Variants in FAAH observed in about 807,000 individuals in gnomAD.
FAAH encodes fatty acid amide hydrolase, also known as fatty-acid amide hydrolase 1.
Under a neutral mutation model 69.7 loss-of-function variants are expected in FAAH, and 63 were observed. The ratio of observed to expected loss-of-function variants is 0.90; its 90% CI spans 0.74 to 1.12. FAAH has a LOEUF of 1.12. Ranked by LOEUF, FAAH falls within the 50% of genes most tolerant of loss-of-function variation. The pLI is 0.00. For missense variants in FAAH, 680 were observed against 755.0 expected (o/e 0.90, Z 1.16); for synonymous variants, 305 against 324.2 (o/e 0.94, Z 0.64).
intron 8 of FAAH, 64 bp downstream of exon 8, chr1:46,408,648 C>T (rs997793563): frequency 1.1e-5 from 18 of 1,610,532 alleles, no homozygotes; most frequent in Admixed American, 1.7e-5. Flanking sequence ...TTCCTGGTAC[C>T]CATGGCTACT....
chr1:46,402,286 C>T (rs140517634), intron 2 of FAAH, 82 bp downstream of exon 2: 27 of 1,213,948 alleles, frequency 2.2e-5, no homozygotes, highest in African/African-American at 2.0e-4. Flanking sequence ...TCCCTCTGTC[C>T]GCACAGGCTG....
Position 46,406,713 on chromosome 1 carries a change from T to G in FAAH, c.951+345T>G, listed in dbSNP as rs533022970. ...TTCTCCTGGGTTCACGCCATTCTCC[T>G]GCCTCAGCCTCCCGAGTAGCTGGGA... On this transcript the variant is annotated intron_variant, in intron 7 of 14. Transcript: ENST00000243167. Among the ~76,000 whole-genome samples the G allele has an allele frequency of 2.0e-5, 3 of 151,494 alleles. No individual in the cohort carries two copies. The South Asian group carries it at 6.3e-4, about 32-fold the overall frequency.
chr1:46,410,624 A>T lies in FAAH; in HGVS notation c.1275+127A>T. The T allele has an allele frequency of 9.3e-7, 1 of 1,079,950 alleles. No individual in the cohort carries two copies. Among genetic ancestry groups the T allele is most frequent in the Non-Finnish European group, 1.4e-6 (1 of 703,862 alleles). 66.9% of individuals were successfully genotyped at this position (1,079,950 alleles called of 1,614,324 possible). A position where few individuals can be genotyped will look rare whatever the true frequency, so the allele number is the denominator to read the frequency against. On this transcript the variant is annotated intron_variant, in intron 10 of 14. Coordinates refer to ENST00000243167, the MANE Select transcript of FAAH (RefSeq NM_001441.3). This position sits in a 1 kb window ranked among gnomAD's most constrained non-coding sequence, Gnocchi z 4.9. ...GCAGGCATGGCCTCCTCTTCTCTCC[A>T]GTCCCCACCCAGACTGCTCTCCTCC...
intron 1 of FAAH, 26 bp downstream of exon 1, chr1:46,394,569 G>C: frequency 1.5e-6 from 2 of 1,330,910 alleles, no homozygotes; most frequent in East Asian, 6.2e-5. Flanking sequence ...TAGTGGGATG[G>C]GCGCGGCCTG....
At chr1:46,408,611 T>G (rs200941240) in intron 8 of FAAH, 27 bp downstream of exon 8, 4 of 1,613,940 alleles carry the variant, frequency 2.5e-6, no homozygotes, top group Non-Finnish European at 3.4e-6. Flanking sequence ...CTGGAAGTAC[T>G]GGCATCTCCT....
chr1:46,413,259 A>T (rs776329438), intron 14 of FAAH, 39 bp downstream of exon 14: 8 of 1,613,682 alleles, frequency 5.0e-6, no homozygotes, highest in Non-Finnish European at 6.8e-6. Context: ...CTCACTCCCC[A>T]CCCTGACTCT....
chr1:46,399,321 C>T lies in FAAH; in HGVS notation c.196-2770C>T, dbSNP rs151026491. Among the ~76,000 whole-genome samples the T allele has an allele frequency of 1.6e-3, 239 of 152,330 alleles. 2 individuals carry two copies. The highest frequency in any genetic ancestry group is 5.5e-3 in the African/African-American group (228 of 41,572). Reference sequence around the variant, plus strand: ...GATGTTACCTGTATACTATACTTCCCTGCATTCTCCGCAAAATCAGGTTTC... The same window carrying T: ...GATGTTACCTGTATACTATACTTCCTTGCATTCTCCGCAAAATCAGGTTTC... On this transcript the variant is annotated intron_variant, in intron 1 of 14. Coordinates refer to ENST00000243167, the MANE Select transcript of FAAH (RefSeq NM_001441.3).
chr1:46,405,237 G>A lies in FAAH; in HGVS notation c.444+89G>A. Reference sequence around the variant, plus strand: ...CTTGGGTCATTTTGGGCCCTTAGAGGAGGTATCAGGTCCAGAGGCCTTCCG... The same window carrying A: ...CTTGGGTCATTTTGGGCCCTTAGAGAAGGTATCAGGTCCAGAGGCCTTCCG... On this transcript the variant is annotated intron_variant, in intron 3 of 14. Coordinates refer to ENST00000243167, the MANE Select transcript of FAAH (RefSeq NM_001441.3). This position sits in a 1 kb window ranked among gnomAD's most constrained non-coding sequence, Gnocchi z 4.1. The A allele has an allele frequency of 1.9e-6, 3 of 1,611,702 alleles. No homozygotes were observed. The highest frequency in any genetic ancestry group is 1.7e-6 in the Non-Finnish European group (2 of 1,179,662).
chr1:46,402,246 G>C lies in FAAH; in HGVS notation c.309+42G>C, dbSNP rs1361749400. Reference sequence around the variant, plus strand: ...CCAGCCCCTCCCTGGGAAAGGTAAGGCCAGCCAAGGCCAGCCCCTCCCTTT... The same window carrying C: ...CCAGCCCCTCCCTGGGAAAGGTAAGCCCAGCCAAGGCCAGCCCCTCCCTTT... On this transcript the variant is annotated intron_variant, in intron 2 of 14. Coordinates refer to ENST00000243167, the MANE Select transcript of FAAH (RefSeq NM_001441.3). 3.5e-6 allele frequency: 5 copies of C among 1,434,296 alleles called. No homozygotes were observed. In the South Asian group the frequency reaches 3.7e-5, roughly 11 times the overall value. The allele number at this position is 1,434,296 out of a possible 1,614,324, so 88.8% of individuals were successfully genotyped here.
intron 1 of FAAH, among the ~76,000 whole-genome samples, chr1:46,398,246 G>A (rs1213109199): frequency 2.0e-5 from 3 of 152,122 alleles, no homozygotes; most frequent in Non-Finnish European, 4.4e-5. Flanking sequence ...GGACGTGGGA[G>A]TTTTAGCTGA....
At chr1:46,399,737 G>C (rs888103334) in intron 1 of FAAH, among the ~76,000 whole-genome samples, 1 of 152,150 alleles carries the variant, frequency 6.6e-6, no homozygotes, top group East Asian at 1.9e-4. Flanking sequence ...AGCAAAATTT[G>C]ATTTTCATTG....
chr1:46,399,228 T>G (rs535477976), intron 1 of FAAH, among the ~76,000 whole-genome samples: 1 of 152,346 alleles, frequency 6.6e-6, no homozygotes, highest in South Asian at 2.1e-4. Context: ...GGAGGGGCAA[T>G]GCCTCCTAAG....
chr1:46,407,889 G>A (rs1664829500), intron 7 of FAAH, among the ~76,000 whole-genome samples: 1 of 152,208 alleles, frequency 6.6e-6, no homozygotes, highest in South Asian at 2.1e-4. Flanking sequence ...CCTTGGAAAG[G>A]CTGAGGGTTT....
intron 9 of FAAH, 25 bp downstream of exon 9, chr1:46,409,223 CT>C: frequency 6.3e-7 from 1 of 1,580,964 alleles, no homozygotes; most frequent in Non-Finnish European, 8.7e-7. Flanking sequence ...GCTTTGGGGT[CT>C]TGGTGGGATC....
At chr1:46,407,335 A>C (rs148354542) in intron 7 of FAAH, among the ~76,000 whole-genome samples, 93 of 152,214 alleles carry the variant, frequency 6.1e-4, no homozygotes, top group Non-Finnish European at 1.2e-3. Context: ...AAGTTGGTTA[A>C]GATTGGTTAA....
At position 46,412,241 on chromosome 1, in the gene FAAH, C is replaced by T. The variant is rs79912673; in HGVS notation, c.1455C>T (p.Gly485=). 339 of 1,552,452 alleles carry T rather than the reference C, an allele frequency of 2.2e-4. No homozygotes were observed. The highest frequency in any genetic ancestry group is 2.8e-4 in the Non-Finnish European group (326 of 1,147,474). The change falls in exon 13 of 15, where the codon GGC becomes GGT. Residue 485 remains glycine, a synonymous_variant. Transcript: ENST00000243167. ...CTGCTCTGGACTTGAATGCCCCAGG[C>T]AGGGCCACAGGTGAGGCCCGACACC... The part of the protein sequence containing the change: ...LAPALDLNAP[G]RATGAVSYTM...
rs887355509 is a variant in FAAH, at chr1:46,411,495, G to A, written c.1317-117G>A. ...TGAACTTCCCTCTCAGAGCTCCCAT[G>A]GGGTTGTGAAGGGTCCACGGAGGGG... On this transcript the variant is annotated intron_variant, in intron 11 of 14. Coordinates refer to ENST00000243167, the MANE Select transcript of FAAH (RefSeq NM_001441.3). This position sits in a 1 kb window ranked among gnomAD's most constrained non-coding sequence, Gnocchi z 4.8. 1.4e-5 allele frequency: 15 copies of A among 1,095,744 alleles called. No individual in the cohort carries two copies. The South Asian group carries it at 2.0e-4, about 15-fold the overall frequency. The allele number at this position is 1,095,744 out of a possible 1,614,324, so 67.9% of individuals were successfully genotyped here.
In FAAH at chr1:46,402,286, C is replaced by A. The variant is rs140517634; in HGVS notation, c.309+82C>A. The A allele has an allele frequency of 4.5e-5, 55 of 1,213,948 alleles. No individual in the cohort carries two copies. In the East Asian group the frequency reaches 1.3e-3, roughly 29 times the overall value. The allele number at this position is 1,213,948 out of a possible 1,614,324, so 75.2% of individuals were successfully genotyped here. On this transcript the variant is annotated intron_variant, in intron 2 of 14. Coordinates refer to ENST00000243167, the MANE Select transcript of FAAH (RefSeq NM_001441.3). ...CCCCTCCCTTTCCCCTCCCTCTGTC[C>A]GCACAGGCTGTGGGGAAAACCTGGC... is the stretch of plus-strand genomic sequence containing the variant.
rs749051974 is a variant in FAAH, at chr1:46,410,429, G to A, written c.1207G>A (p.Asp403Asn). 5 of 1,614,028 alleles carry A rather than the reference G, an allele frequency of 3.1e-6. No individual in the cohort carries two copies. Among genetic ancestry groups the A allele is most frequent in the Admixed American group, 1.7e-5 (1 of 60,014 alleles). The change falls in exon 10 of 15, where the codon GAC (aspartate) becomes AAC (asparagine). Residue 403 changes from aspartate to asparagine, a missense_variant. Transcript: ENST00000243167. The surrounding 1 kb of genome is among the most constrained non-coding windows in gnomAD (Gnocchi z 4.9). The part of the protein sequence containing the change: ...KGDFVDPCLG[D>N]LVSILKLPQW... ...TGATTTCGTGGACCCCTGCCTGGGG[G>A]ACCTGGTCTCAATTCTGAAGCTTCC...
Sources: gnomAD v4.1 joint callset for allele counts (sites outside exome capture counted in the v4.1 genomes callset) on GRCh38, gnomAD v4.1.1 for gene constraint, Gnocchi (gnomAD v3.1) non-coding constraint, MANE v1.5 for transcripts, NCBI Gene and HGNC (gene_info 2026-07-23, HGNC 2026-07-21) for gene names.